CFAP299: variants seen among roughly 807,000 people sequenced by gnomAD.
The protein encoded by CFAP299 is cilia and flagella associated protein 299.
CFAP299 carries 21 observed loss-of-function variants against 27.0 expected under a neutral mutation model. The ratio of observed to expected loss-of-function variants is 0.78; its 90% CI spans 0.55 to 1.12. CFAP299 has a LOEUF of 1.12. Ranked by LOEUF, CFAP299 falls within the 50% of genes most tolerant of loss-of-function variation. The pLI is 0.00. For missense variants in CFAP299, 310 were observed against 276.6 expected, an observed-to-expected ratio of 1.12 and a Z score of -0.86; for synonymous variants, 104 against 98.1, an observed-to-expected ratio of 1.06 and a Z score of -0.36.
At chr4:80,613,126 A>G (rs546453277) in intron 3 of CFAP299, among the ~76,000 whole-genome samples, 62 of 152,294 alleles carry the variant, frequency 4.1e-4, no homozygotes, top group African/African-American at 1.3e-3. Context: ...CCCCAAGGCT[A>G]GTAAGTGGCA....
intron 2 of CFAP299, among the ~76,000 whole-genome samples, chr4:80,437,818 T>C (rs1398559531): frequency 6.6e-6 from 1 of 152,236 alleles, no homozygotes; most frequent in Non-Finnish European, 1.5e-5. Flanking sequence ...TTTATTTTAA[T>C]GGGCACTTTT....
At chr4:80,890,510 G>A (rs60575091) in intron 4 of CFAP299, among the ~76,000 whole-genome samples, 2,404 of 151,844 alleles carry the variant, frequency 0.016, 63 homozygotes, top group African/African-American at 0.054. Flanking sequence ...GAATAGTGCC[G>A]CAATAAACAT....
chr4:80,662,469 G>A (rs888287750), intron 3 of CFAP299, among the ~76,000 whole-genome samples: 14 of 152,048 alleles, frequency 9.2e-5, no homozygotes, highest in Non-Finnish European at 5.9e-5. Context: ...CAGTAAGGGT[G>A]GATAGAGGAT....
chr4:80,590,215 G>A (rs576789266), intron 3 of CFAP299, among the ~76,000 whole-genome samples: 7 of 152,272 alleles, frequency 4.6e-5, no homozygotes, highest in Admixed American at 1.3e-4. Flanking sequence ...ATGACACTCC[G>A]TCACTGATGA....
chr4:80,898,760 A>G (rs754276729), intron 4 of CFAP299, among the ~76,000 whole-genome samples: 5 of 152,160 alleles, frequency 3.3e-5, no homozygotes, highest in Non-Finnish European at 4.4e-5. Context: ...GTATGGAGCA[A>G]AACAATCCAT....
At chr4:80,856,351 G>C (rs1163002466) in intron 3 of CFAP299, among the ~76,000 whole-genome samples, 1 of 149,442 alleles carries the variant, frequency 6.7e-6, no homozygotes, top group Non-Finnish European at 1.5e-5. Context: ...CATTTTGTGG[G>C]TTGCCTGTTC....
At chr4:80,588,064 T>G (rs1006895401) in intron 3 of CFAP299, among the ~76,000 whole-genome samples, 2 of 151,264 alleles carry the variant, frequency 1.3e-5, no homozygotes, top group Non-Finnish European at 2.9e-5. Flanking sequence ...AGTTGAAATC[T>G]AGTCTTAGTC....
intron 2 of CFAP299, among the ~76,000 whole-genome samples, chr4:80,545,608 CCTTATCA>C (rs1442198546): frequency 1.3e-5 from 2 of 152,000 alleles, no homozygotes; most frequent in African/African-American, 4.8e-5. Context: ...GTAATGAAAA[CCTTATCA>C]ACCAAAAAAA....
chr4:80,676,667 T>C (rs907296419), intron 3 of CFAP299, among the ~76,000 whole-genome samples: 3 of 152,160 alleles, frequency 2.0e-5, no homozygotes, highest in Non-Finnish European at 4.4e-5. Flanking sequence ...TACTTCTTCA[T>C]GATTCAATCT....
chr4:80,830,295 A>G (rs897121501), intron 3 of CFAP299, among the ~76,000 whole-genome samples: 2 of 152,126 alleles, frequency 1.3e-5, no homozygotes, highest in African/African-American at 2.4e-5. Context: ...ATAAAATATG[A>G]TATGTATTAT....
chr4:80,751,344 T>A (rs1056989891), intron 3 of CFAP299, among the ~76,000 whole-genome samples: 6 of 152,118 alleles, frequency 3.9e-5, no homozygotes, highest in Non-Finnish European at 8.8e-5. Context: ...CTGATTTTGG[T>A]AGAGCTGGTG....
chr4:80,579,647 G>T (rs1039219954), intron 2 of CFAP299, among the ~76,000 whole-genome samples: 2 of 151,922 alleles, frequency 1.3e-5, no homozygotes, highest in African/African-American at 2.4e-5. Context: ...GATAGATCAG[G>T]GATAATTTTG....
At chr4:80,652,153 C>T (rs1457330319) in intron 3 of CFAP299, among the ~76,000 whole-genome samples, 3 of 152,024 alleles carry the variant, frequency 2.0e-5, no homozygotes, top group Non-Finnish European at 4.4e-5. Flanking sequence ...TGTGACACTG[C>T]ACATTTTAGA....
chr4:80,704,825 C>T lies in CFAP299; in HGVS notation c.333+121642C>T, dbSNP rs566294185. On this transcript the variant is annotated intron_variant, in intron 3 of 5. Coordinates refer to ENST00000358105, the MANE Select transcript of CFAP299 (RefSeq NM_152770.3). ...CAGACAATTCTAATGTTTTCTGTTT[C>T]ATAAATGTTGATATATATGATTTTT... Among the ~76,000 whole-genome samples the T allele has an allele frequency of 1.1e-4, 17 of 151,902 alleles. No homozygotes were observed. The South Asian group carries it at 3.5e-3, about 32-fold the overall frequency.
chr4:80,571,565 GA>G (rs548402938), intron 2 of CFAP299, among the ~76,000 whole-genome samples: 172 of 152,166 alleles, frequency 1.1e-3, no homozygotes, highest in African/African-American at 3.9e-3. Flanking sequence ...GTTCCAAAAT[GA>G]GAAACAGCAT....
chr4:80,476,162 C>A (rs894119257), intron 2 of CFAP299, among the ~76,000 whole-genome samples: 1 of 152,192 alleles, frequency 6.6e-6, no homozygotes, highest in African/African-American at 2.4e-5. Context: ...ATTCTCTTTA[C>A]CCTCCTTAGC....
chr4:80,910,751 T>C (rs941168697), intron 4 of CFAP299, among the ~76,000 whole-genome samples: 1 of 151,894 alleles, frequency 6.6e-6, no homozygotes, highest in Non-Finnish European at 1.5e-5. Context: ...TACAACAAAC[T>C]CCCGTGACAT....
chr4:80,602,659 C>T (rs1291127909), intron 3 of CFAP299, among the ~76,000 whole-genome samples: 1 of 151,948 alleles, frequency 6.6e-6, no homozygotes, highest in East Asian at 1.9e-4. Context: ...TCTTTCCTTC[C>T]TTGGTTGCTT....
At chr4:80,679,857 C>T (rs563596933) in intron 3 of CFAP299, among the ~76,000 whole-genome samples, 5 of 151,512 alleles carry the variant, frequency 3.3e-5, no homozygotes, top group Admixed American at 2.0e-4. Flanking sequence ...TTGTCAGATA[C>T]GTGGTTTGCA....
Sources: allele counts gnomAD v4.1 joint callset (sites outside exome capture counted in the v4.1 genomes callset), GRCh38; gene constraint gnomAD v4.1.1; transcripts MANE v1.5; gene names NCBI Gene and HGNC (gene_info 2026-07-23, HGNC 2026-07-21).